ZBTB38: variants seen among roughly 807,000 people sequenced by gnomAD.
ZBTB38 encodes zinc finger and BTB domain containing 38, also known as zinc finger and BTB domain-containing protein 38.
Under a neutral mutation model 76.8 loss-of-function variants are expected in ZBTB38, and 20 were observed. The ratio of observed to expected loss-of-function variants is 0.26; its 90% CI spans 0.18 to 0.38. The LOEUF is 0.38. Among genes scored for constraint, ZBTB38 ranks in the 10% least tolerant of loss-of-function variants. The pLI, the probability that ZBTB38 is intolerant of heterozygous loss-of-function variation, is 1.00. For missense variants in ZBTB38, 1,082 were observed against 1,482.3 expected (o/e 0.73, Z 4.43); for synonymous variants, 504 against 544.2 (o/e 0.93, Z 1.03).
intron 5 of ZBTB38, among the ~76,000 whole-genome samples, chr3:141,422,213 G>C (rs143834044): frequency 1.7e-3 from 254 of 152,310 alleles, no homozygotes; most frequent in African/African-American, 6.0e-3. Context: ...GCAGTACTGG[G>C]CTACCGTTCA....
intron 5 of ZBTB38, among the ~76,000 whole-genome samples, chr3:141,406,658 A>C (rs1260254346): frequency 1.3e-5 from 2 of 152,138 alleles, no homozygotes; most frequent in African/African-American, 4.8e-5. Context: ...TTGAGAGAGA[A>C]TATAGGGGAA....
intron 5 of ZBTB38, among the ~76,000 whole-genome samples, chr3:141,435,141 G>A (rs1188786716): frequency 6.6e-6 from 1 of 152,146 alleles, no homozygotes; most frequent in African/African-American, 2.4e-5. Context: ...GGGTGGCAGA[G>A]CAAGACCCTG....
chr3:141,429,395 CAGCTTGCT>C (rs1265207433), intron 5 of ZBTB38, among the ~76,000 whole-genome samples: 2 of 152,086 alleles, frequency 1.3e-5, no homozygotes, highest in Non-Finnish European at 2.9e-5. Flanking sequence ...GGAATGGTGG[CAGCTTGCT>C]TTTTTGGGGA....
chr3:141,432,145 T>C, intron 5 of ZBTB38: 1 of 985,512 alleles, frequency 1.0e-6, no homozygotes, highest in Non-Finnish European at 1.2e-6. Flanking sequence ...CGGAAAACTT[T>C]CCGCAGGGAA....
chr3:141,328,987 T>G (rs1490145402), intron 1 of ZBTB38, among the ~76,000 whole-genome samples: 1 of 152,184 alleles, frequency 6.6e-6, no homozygotes, highest in East Asian at 1.9e-4. Flanking sequence ...GCTCCTCCCC[T>G]ACCTGTCTCC....
At chr3:141,440,647 G>T (rs73872729) in intron 5 of ZBTB38, among the ~76,000 whole-genome samples, 5,720 of 152,222 alleles carry the variant, frequency 0.038, 358 homozygotes, top group African/African-American at 0.13. Context: ...GGGTTTTTTT[G>T]TGTGTGTGTT....
rs1463867035 is a variant in ZBTB38 at position 141,442,605 on chromosome 3, G to A, written c.217G>A (p.Val73Ile). The change falls in exon 6 of 6, where the codon GTC becomes ATC. Residue 73 changes from valine to isoleucine, a missense_variant. This residue lies in a region of ZBTB38 where 68 missense variants were observed against 153.0 expected (regional missense o/e 0.44). Coordinates refer to ENST00000321464, the MANE Select transcript of ZBTB38 (RefSeq NM_001376113.1). This position sits in a 1 kb window ranked among gnomAD's most constrained non-coding sequence, Gnocchi z 6.4. ...WSHTICISSH[V>I]LELDDLKAEV... ...CCATACAATCTGTATTTCCAGCCAC[G>A]TCCTGGAGCTGGACGATCTCAAAGC... is the stretch of plus-strand genomic sequence containing the variant. 2.5e-6 allele frequency: 4 copies of A among 1,614,010 alleles called. No individual in the cohort carries two copies. The highest frequency in any genetic ancestry group is 3.4e-6 in the Non-Finnish European group (4 of 1,179,998).
chr3:141,395,153 A>G (rs899732433), intron 4 of ZBTB38, among the ~76,000 whole-genome samples: 7 of 152,242 alleles, frequency 4.6e-5, no homozygotes, highest in African/African-American at 1.7e-4. Flanking sequence ...CGCTATCTAT[A>G]ACAAATAGGA....
intron 5 of ZBTB38, among the ~76,000 whole-genome samples, chr3:141,408,601 C>T (rs750691414): frequency 8.6e-5 from 13 of 152,012 alleles, no homozygotes; most frequent in Non-Finnish European, 1.5e-4. Flanking sequence ...TCTAGCTTCC[C>T]TCTTTGTTTA....
At chr3:141,382,382 T>G (rs1179480732) in intron 3 of ZBTB38, among the ~76,000 whole-genome samples, 1 of 152,140 alleles carries the variant, frequency 6.6e-6, no homozygotes, top group African/African-American at 2.4e-5. Flanking sequence ...GCTATAATTT[T>G]TAATATAGTG....
chr3:141,379,524 G>C (rs116710083), intron 2 of ZBTB38, among the ~76,000 whole-genome samples: 1 of 152,210 alleles, frequency 6.6e-6, no homozygotes, highest in African/African-American at 2.4e-5. Context: ...CATGATGAGA[G>C]GGACAGCGGT....
At chr3:141,371,041 C>CTTTT (rs1944488920) in intron 2 of ZBTB38, among the ~76,000 whole-genome samples, 1 of 75,470 alleles carries the variant, frequency 1.3e-5, no homozygotes, top group African/African-American at 6.6e-5. Context: ...TCTTTTCTTT[C>CTTTT]TTTCTTTTTT....
chr3:141,370,880 T>C (rs1267765218), intron 2 of ZBTB38, among the ~76,000 whole-genome samples: 1 of 152,164 alleles, frequency 6.6e-6, no homozygotes, highest in Non-Finnish European at 1.5e-5. Context: ...ATAGGAAAGC[T>C]CTTGACTTCC....
At chr3:141,327,555 T>G (rs1338868291) in intron 1 of ZBTB38, among the ~76,000 whole-genome samples, 1 of 152,144 alleles carries the variant, frequency 6.6e-6, no homozygotes, top group Non-Finnish European at 1.5e-5. Context: ...TGTGAGAAAC[T>G]GTCAAAGCCC....
At chr3:141,363,599 G>C (rs867641670), upstream of ZBTB38, among the ~76,000 whole-genome samples, 11 of 152,120 alleles carry the variant, frequency 7.2e-5, no homozygotes, top group South Asian at 2.1e-4. Context: ...AATATTTATG[G>C]TCAGTTGATT....
chr3:141,344,777 C>T (rs956088445), intron 1 of ZBTB38, among the ~76,000 whole-genome samples: 5 of 152,238 alleles, frequency 3.3e-5, no homozygotes, highest in Admixed American at 3.3e-4. Flanking sequence ...CTTTTAAGGA[C>T]TCAAGATTAT....
upstream of ZBTB38, among the ~76,000 whole-genome samples, chr3:141,363,952 G>A (rs1301697296): frequency 1.3e-5 from 2 of 152,146 alleles, no homozygotes; most frequent in East Asian, 1.9e-4. Context: ...AAAAGTACAA[G>A]TGATGAAAGA....
intron 1 of ZBTB38, among the ~76,000 whole-genome samples, chr3:141,334,226 GAAA>G (rs11368864): frequency 6.8e-6 from 1 of 146,402 alleles, no homozygotes; most frequent in Non-Finnish European, 1.5e-5. Flanking sequence ...GTATTTAAAA[GAAA>G]AAAAAAAAAG....
intron 1 of ZBTB38, among the ~76,000 whole-genome samples, chr3:141,351,899 T>C (rs1266522790): frequency 1.3e-5 from 2 of 152,112 alleles, no homozygotes; most frequent in East Asian, 3.8e-4. Context: ...GAGAGGAAGA[T>C]ACCATTTGAA....
Sources: gnomAD v4.1 joint callset for allele counts (sites outside exome capture counted in the v4.1 genomes callset) on GRCh38, gnomAD v4.1.1 for gene constraint, gnomAD v4.1.1 regional missense constraint, Gnocchi (gnomAD v3.1) non-coding constraint, MANE v1.5 for transcripts, NCBI Gene and HGNC (gene_info 2026-07-23, HGNC 2026-07-21) for gene names.